The following PDE11A variants were observed in gnomAD, a reference collection of about 807,000 sequenced individuals.
The protein encoded by PDE11A is phosphodiesterase 11A.
PDE11A carries 100 observed loss-of-function variants against 100.5 expected under a neutral mutation model. That is an observed-to-expected ratio of 1.00 (90% CI 0.85 to 1.18). The LOEUF is 1.18. PDE11A is among the 50% of genes most tolerant of loss of function. The pLI is 0.00. For synonymous variants in PDE11A, 381 were observed against 420.8 expected, an observed-to-expected ratio of 0.91 and a Z score of 1.16; for missense variants, 1,141 against 1,152.6, an observed-to-expected ratio of 0.99 and a Z score of 0.15.
intron 10 of PDE11A, among the ~76,000 whole-genome samples, chr2:177,729,072 C>T (rs2081644824): frequency 6.6e-6 from 1 of 152,092 alleles, no homozygotes; most frequent in Admixed American, 6.6e-5. Context: ...TTAAATTACC[C>T]TGACAGTAAT....
chr2:177,930,329 G>GTAT (rs2085188952), intron 2 of PDE11A, among the ~76,000 whole-genome samples: 1 of 152,104 alleles, frequency 6.6e-6, no homozygotes, highest in Admixed American at 6.5e-5. Context: ...AGGCAAGCAG[G>GTAT]TATTAGCAGC....
chr2:177,786,942 G>C, intron 9 of PDE11A, among the ~76,000 whole-genome samples: 1 of 150,718 alleles, frequency 6.6e-6, no homozygotes, highest in African/African-American at 2.5e-5. Context: ...GGGGAGAATG[G>C]AACCAAGTTG....
At chr2:177,714,920 C>T (rs948674906) in intron 12 of PDE11A, among the ~76,000 whole-genome samples, 5 of 152,210 alleles carry the variant, frequency 3.3e-5, no homozygotes, top group Admixed American at 3.3e-4. Context: ...TGGATTCTCT[C>T]CTCTGCTGCC....
At chr2:178,026,110 AAC>A (rs34503988) in intron 1 of PDE11A, among the ~76,000 whole-genome samples, 12,704 of 152,192 alleles carry the variant, frequency 0.083, 529 homozygotes, top group African/African-American at 0.11. Flanking sequence ...ATCAGAACCT[AAC>A]ACAGACTACC....
chr2:177,992,647 A>G (rs908623606), intron 2 of PDE11A, among the ~76,000 whole-genome samples: 1 of 152,210 alleles, frequency 6.6e-6, no homozygotes, highest in Non-Finnish European at 1.5e-5. Flanking sequence ...AATGGTCATC[A>G]GAAGATAGTT....
rs1558983837 is a variant in PDE11A, at chr2:177,871,524, AAATT to A, written c.1367+4331_1367+4334del. Among the ~76,000 whole-genome samples, 891 of 134,224 alleles carry A rather than the reference AAATT, an allele frequency of 6.6e-3. 9 individuals are homozygous for A. Among genetic ancestry groups the A allele is most frequent in the African/African-American group, 0.023 (853 of 36,466 alleles). The allele number at this position is 134,224 out of a possible 152,430, so 88.1% of individuals were successfully genotyped here. A position where few individuals can be genotyped will look rare whatever the true frequency, so the allele number is the denominator to read the frequency against. ...TTGGAAGAAATGATGAGTCAGTAGTAAATTATTATTATTATTATTATTATTATTA... is the reference window on the plus strand; with the variant it reads ...TTGGAAGAAATGATGAGTCAGTAGTAATTATTATTATTATTATTATTATTA... On this transcript the variant is annotated intron_variant, in intron 5 of 19. Coordinates refer to ENST00000286063, the MANE Select transcript of PDE11A (RefSeq NM_016953.4).
At chr2:177,716,195 C>A (rs954653210) in intron 12 of PDE11A, among the ~76,000 whole-genome samples, 1 of 152,166 alleles carries the variant, frequency 6.6e-6, no homozygotes, top group South Asian at 2.1e-4. Context: ...GTTTTTCTGG[C>A]AAATACTCTG....
intron 15 of PDE11A, among the ~76,000 whole-genome samples, chr2:177,692,763 T>C (rs2081058109): frequency 6.6e-6 from 1 of 152,258 alleles, no homozygotes; most frequent in Non-Finnish European, 1.5e-5. Context: ...TTGTGAATTC[T>C]GCTTTCATAT....
chr2:177,766,643 A>G (rs1174388207), intron 10 of PDE11A, among the ~76,000 whole-genome samples: 3 of 152,234 alleles, frequency 2.0e-5, no homozygotes, highest in Non-Finnish European at 2.9e-5. Flanking sequence ...GAATTTCAGT[A>G]AACGCTTTTC....
At chr2:177,935,044 C>G (rs1356069166) in intron 2 of PDE11A, among the ~76,000 whole-genome samples, 1 of 152,018 alleles carries the variant, frequency 6.6e-6, no homozygotes, top group African/African-American at 2.4e-5. Flanking sequence ...TACCCCAAAC[C>G]TCAGCATTTT....
chr2:177,802,055 A>T (rs2082802948), intron 9 of PDE11A, among the ~76,000 whole-genome samples: 1 of 152,130 alleles, frequency 6.6e-6, no homozygotes, highest in South Asian at 2.1e-4. Context: ...GGGCAAAAAA[A>T]TTGGACAGCT....
chr2:177,925,896 G>A (rs1169132539), intron 2 of PDE11A, among the ~76,000 whole-genome samples: 1 of 152,188 alleles, frequency 6.6e-6, no homozygotes, highest in Admixed American at 6.5e-5. Flanking sequence ...AGTTTTCAGG[G>A]GAACCTGAGT....
chr2:178,009,679 G>A lies in PDE11A; in HGVS notation c.1071+4623C>T, dbSNP rs1348852750. 2.0e-5 allele frequency among the ~76,000 whole-genome samples: 3 copies of A among 152,286 alleles called. No individual in the cohort carries two copies. The East Asian group carries it at 5.8e-4, about 29-fold the overall frequency. On this transcript the variant is annotated intron_variant, in intron 2 of 19. Coordinates refer to ENST00000286063, the MANE Select transcript of PDE11A (RefSeq NM_016953.4). ...CTACAGGGTATATGTATTACATGATGTAGCACAGCCACTGAATTATAGGTG... is the reference window on the plus strand; with the variant it reads ...CTACAGGGTATATGTATTACATGATATAGCACAGCCACTGAATTATAGGTG...
chr2:178,011,753 G>T (rs2086276624), intron 2 of PDE11A, among the ~76,000 whole-genome samples: 1 of 152,066 alleles, frequency 6.6e-6, no homozygotes, highest in Non-Finnish European at 1.5e-5. Flanking sequence ...TCTTTCCCCG[G>T]ATTCTCTCAT....
intron 2 of PDE11A, among the ~76,000 whole-genome samples, chr2:177,956,047 A>T (rs560374147): frequency 1.3e-5 from 2 of 152,172 alleles, no homozygotes; most frequent in African/African-American, 4.8e-5. Flanking sequence ...ACAAAAGCCA[A>T]AATTGACAAA....
At chr2:177,686,178 G>A (rs551679840) in intron 15 of PDE11A, among the ~76,000 whole-genome samples, 55 of 152,216 alleles carry the variant, frequency 3.6e-4, no homozygotes, top group African/African-American at 1.2e-3. Flanking sequence ...TTACTCTGTC[G>A]TCCCAAGGTT....
chr2:177,961,309 C>T (rs1477829541), intron 2 of PDE11A, among the ~76,000 whole-genome samples: 2 of 152,032 alleles, frequency 1.3e-5, no homozygotes, highest in African/African-American at 2.4e-5. Context: ...GAAGCTCACC[C>T]TTCTCTCTGC....
intron 1 of PDE11A, among the ~76,000 whole-genome samples, chr2:178,062,409 G>A (rs1177620977): frequency 6.6e-6 from 1 of 151,900 alleles, no homozygotes; most frequent in African/African-American, 2.4e-5. Context: ...TCACTTAGTG[G>A]TTCTCTGGAA....
intron 2 of PDE11A, among the ~76,000 whole-genome samples, chr2:177,907,936 T>G (rs2084816982): frequency 6.6e-6 from 1 of 152,234 alleles, no homozygotes; most frequent in Admixed American, 6.5e-5. Context: ...TTTTTGTCAC[T>G]GATCCAGGAG....
Sources: allele counts gnomAD v4.1 joint callset (sites outside exome capture counted in the v4.1 genomes callset), GRCh38; gene constraint gnomAD v4.1.1; transcripts MANE v1.5; gene names NCBI Gene and HGNC (gene_info 2026-07-23, HGNC 2026-07-21).